MCHR2: variants seen among roughly 807,000 people sequenced by gnomAD.
The protein encoded by MCHR2 is melanin concentrating hormone receptor 2.
MCHR2 carries 15 observed loss-of-function variants against 24.8 expected under a neutral mutation model. That is an observed-to-expected ratio of 0.60 (90% CI 0.40 to 0.93). MCHR2 has a LOEUF of 0.93. MCHR2 is among the 40% of genes least tolerant of loss of function. The pLI is 0.00. For synonymous variants in MCHR2, 151 were observed against 147.6 expected (o/e 1.02, Z -0.17); for missense variants, 386 against 408.7 (o/e 0.94, Z 0.48).
intron 2 of MCHR2, among the ~76,000 whole-genome samples, chr6:99,954,892 T>A (rs1171097076): frequency 1.3e-5 from 2 of 152,096 alleles, no homozygotes; most frequent in Admixed American, 6.6e-5. Context: ...AGGCTATGAG[T>A]ATAAGGTATA....
chr6:99,926,419 C>T (rs1774359455), intron 5 of MCHR2, among the ~76,000 whole-genome samples: 1 of 152,110 alleles, frequency 6.6e-6, no homozygotes, highest in African/African-American at 2.4e-5. Flanking sequence ...CACTGACTTC[C>T]ACAATGGTTG....
chr6:99,943,318 T>G (rs1774813201), intron 3 of MCHR2, among the ~76,000 whole-genome samples, 175 bp from the exon 4 acceptor site: 1 of 150,430 alleles, frequency 6.6e-6, no homozygotes, highest in Non-Finnish European at 1.5e-5. Flanking sequence ...ATTTATTTTT[T>G]TAAATTTTTA....
At position 99,980,396 on chromosome 6, in the gene MCHR2, G is replaced by A. The variant is rs777257626; in HGVS notation, c.-28+13540C>T. On this transcript the variant is annotated intron_variant, in intron 1 of 5. Transcript: ENST00000281806. ...TGGAAGTTGTTTGTGCTAATGGCCT[G>A]GTCAGATCCAGTTCTGAGAGCCTGG... Among the ~76,000 whole-genome samples, 293 of 152,262 alleles carry A rather than the reference G, an allele frequency of 1.9e-3. 1 individual carries two copies. The highest frequency in any genetic ancestry group is 2.1e-3 in the Non-Finnish European group (140 of 68,022).
At chr6:99,964,423 G>A (rs1245396570) in intron 1 of MCHR2, among the ~76,000 whole-genome samples, 1 of 152,058 alleles carries the variant, frequency 6.6e-6, no homozygotes, top group Non-Finnish European at 1.5e-5. Context: ...AAGGAAAGAG[G>A]TTTAGTTGAC....
At chr6:99,922,370 G>A (rs1582363703) in intron 5 of MCHR2, among the ~76,000 whole-genome samples, 1 of 152,214 alleles carries the variant, frequency 6.6e-6, no homozygotes, top group South Asian at 2.1e-4. Context: ...GCCATCCAAA[G>A]TGCTGGGATT....
rs1554192559 is a variant in MCHR2, at chr6:99,919,713, GTTT to G, written c.*1224_*1226del. Among the ~76,000 whole-genome samples the G allele has an allele frequency of 2.9e-5, 4 of 137,474 alleles. No individual in the cohort carries two copies. The highest frequency in any genetic ancestry group is 6.3e-5 in the Non-Finnish European group (4 of 63,182). The allele number at this position is 137,474 out of a possible 152,430, so 90.2% of individuals were successfully genotyped here. A position where few individuals can be genotyped will look rare whatever the true frequency, so the allele number is the denominator to read the frequency against. On this transcript the variant is annotated 3_prime_UTR_variant, in exon 6 of 6. Coordinates refer to ENST00000281806, the MANE Select transcript of MCHR2 (RefSeq NM_001040179.2). ...CTGTAACCAAAAGGGAATGTTTCTT[GTTT>G]TTTTTTTTGTTTGTTTTGTTTTTTT...
Position 99,943,130 on chromosome 6 carries a change from C to T in MCHR2, c.406G>A (p.Val136Ile), listed in dbSNP as rs201793988. ...VMSVDRYFAL[V>I]QPFRLTRWRT... The stretch of plus-strand genomic sequence containing the variant: ...CAACGTGTCAGTCGAAATGGTTGGA[C>T]GAGGGCAAAGTACCTGCAAAGGCAG... Residue 136 changes from valine (V) to isoleucine (I), a missense_variant, in exon 4 of 6, where the codon GTC becomes ATC. Coordinates refer to ENST00000281806, the MANE Select transcript of MCHR2 (RefSeq NM_001040179.2). The T allele has an allele frequency of 2.9e-5, 47 of 1,608,272 alleles. No individual in the cohort carries two copies. The highest frequency in any genetic ancestry group is 2.7e-5 in the African/African-American group (2 of 74,826).
At chr6:99,974,082 A>G (rs1324710843) in intron 1 of MCHR2, among the ~76,000 whole-genome samples, 1 of 151,976 alleles carries the variant, frequency 6.6e-6, no homozygotes, top group Non-Finnish European at 1.5e-5. Context: ...CGTTCTCTGT[A>G]TTTCCTGAAT....
At chr6:99,944,510 A>G (rs1774838523) in intron 3 of MCHR2, among the ~76,000 whole-genome samples, 1 of 152,184 alleles carries the variant, frequency 6.6e-6, no homozygotes, top group African/African-American at 2.4e-5. Context: ...ATTTTGCACC[A>G]GAAGCAGGAC....
rs943597427 is a variant in MCHR2, at chr6:99,972,531, T to C, written c.-27-16357A>G. 1.3e-4 allele frequency among the ~76,000 whole-genome samples: 20 copies of C among 152,340 alleles called. No homozygotes were observed. In the South Asian group the frequency reaches 2.3e-3, roughly 17 times the overall value. On this transcript the variant is annotated intron_variant, in intron 1 of 5. Transcript: ENST00000281806. The stretch of plus-strand genomic sequence containing the variant: ...AAACCAGCTCCTGGATTCATTAATT[T>C]TTTGAAGGGTTTTTTGGGTCTCTAT...
intron 1 of MCHR2, among the ~76,000 whole-genome samples, chr6:99,960,078 A>T (rs1396986121): frequency 6.6e-6 from 1 of 152,044 alleles, no homozygotes; most frequent in Non-Finnish European, 1.5e-5. Flanking sequence ...GACAACAGAA[A>T]ATTTTGAAAG....
intron 5 of MCHR2, among the ~76,000 whole-genome samples, chr6:99,927,841 A>G (rs200334660): frequency 4.7e-4 from 71 of 152,176 alleles, no homozygotes; most frequent in African/African-American, 1.7e-3. Context: ...CTTCTCCTGC[A>G]TAATTGCCCT....
intron 1 of MCHR2, among the ~76,000 whole-genome samples, chr6:99,957,160 T>C (rs1775080873): frequency 6.6e-6 from 1 of 152,142 alleles, no homozygotes; most frequent in South Asian, 2.1e-4. Context: ...GTTCCATGTC[T>C]GGATGAAGTC....
chr6:99,985,923 T>C (rs1390883897), intron 1 of MCHR2, among the ~76,000 whole-genome samples: 4 of 152,096 alleles, frequency 2.6e-5, no homozygotes, highest in African/African-American at 9.7e-5. Context: ...AAACATTGCA[T>C]CTGACAAAGG....
At chr6:99,960,353 C>T (rs946663137) in intron 1 of MCHR2, among the ~76,000 whole-genome samples, 6 of 152,158 alleles carry the variant, frequency 3.9e-5, no homozygotes, top group Non-Finnish European at 1.5e-5. Context: ...AATGGAAGAA[C>T]ATTCCATGCT....
At chr6:99,986,315 C>T (rs1775767013) in intron 1 of MCHR2, among the ~76,000 whole-genome samples, 1 of 152,090 alleles carries the variant, frequency 6.6e-6, no homozygotes, top group African/African-American at 2.4e-5. Context: ...GTCATCTCAT[C>T]ACTGGGTATC....
chr6:99,960,337 C>A (rs1775157311), intron 1 of MCHR2, among the ~76,000 whole-genome samples: 1 of 152,118 alleles, frequency 6.6e-6, no homozygotes, highest in Non-Finnish European at 1.5e-5. Flanking sequence ...AAAGAGGACA[C>A]AAACAAATGG....
chr6:99,938,273 G>C (rs1288560628), intron 4 of MCHR2, among the ~76,000 whole-genome samples: 3 of 151,692 alleles, frequency 2.0e-5, no homozygotes, highest in African/African-American at 7.3e-5. Flanking sequence ...CTAATTCTTT[G>C]AGGTACATTC....
At chr6:99,982,403 C>T (rs1323826977) in intron 1 of MCHR2, among the ~76,000 whole-genome samples, 4 of 130,528 alleles carry the variant, frequency 3.1e-5, no homozygotes, top group Non-Finnish European at 4.6e-5. Context: ...CTGAGGTGGG[C>T]AGATCACTTG....
Sources: allele counts gnomAD v4.1 joint callset (sites outside exome capture counted in the v4.1 genomes callset), GRCh38; gene constraint gnomAD v4.1.1; transcripts MANE v1.5; gene names NCBI Gene and HGNC (gene_info 2026-07-23, HGNC 2026-07-21).